Variants in CAPN15 observed in about 807,000 individuals in gnomAD.
CAPN15 encodes the protein calpain 15, also known as calpain-15.
Under a neutral mutation model 97.9 loss-of-function variants are expected in CAPN15, and 53 were observed. The ratio of observed to expected loss-of-function variants is 0.54; its 90% CI spans 0.43 to 0.68. The LOEUF is 0.68. CAPN15 is among the 30% of genes least tolerant of loss of function. The pLI is 0.00. For synonymous variants in CAPN15, 922 were observed against 722.5 expected (o/e 1.28, Z -4.43); for missense variants, 1,592 against 1,589.8 (o/e 1.00, Z -0.02).
intron 1 of CAPN15, among the ~76,000 whole-genome samples, chr16:532,293 C>T (rs1216099586): frequency 3.3e-5 from 5 of 150,326 alleles, no homozygotes; most frequent in African/African-American, 4.9e-5. Context: ...GTGGCTCATG[C>T]GTGTAATCCT....
rs1567162206 is a variant in CAPN15 at position 552,916 on chromosome 16, CGTG to C, written c.2966_2968del (p.Val989del). 6.2e-7 allele frequency: 1 copy of C among 1,611,562 alleles called. No homozygotes were observed. The highest frequency in any genetic ancestry group is 8.5e-7 in the Non-Finnish European group (1 of 1,179,248). The stretch of plus-strand genomic sequence containing the variant: ...TGACACACGGTTGGGCGGGGCTCAT[CGTG>C]GTGGTGGAGAACCGACACCCCAAGG... On this transcript the variant is annotated inframe_deletion, in exon 13 of 14. Transcript: ENST00000219611. The surrounding 1 kb of genome is among the most constrained non-coding windows in gnomAD (Gnocchi z 6.4).
At chr16:541,423 T>C (rs889477468) in intron 3 of CAPN15, among the ~76,000 whole-genome samples, 4 of 152,110 alleles carry the variant, frequency 2.6e-5, no homozygotes, top group Non-Finnish European at 4.4e-5. Context: ...GTTACCCTGA[T>C]GGACAGAGAG....
intron 4 of CAPN15, 123 bp from the exon 5 acceptor site, chr16:548,870 C>A: frequency 1.1e-6 from 1 of 910,868 alleles, no homozygotes; most frequent in Non-Finnish European, 1.7e-6. Flanking sequence ...GCTGTCCACG[C>A]TCCACCCGTC....
At chr16:540,779 C>G (rs764295097) in intron 3 of CAPN15, among the ~76,000 whole-genome samples, 7 of 152,214 alleles carry the variant, frequency 4.6e-5, no homozygotes, top group Non-Finnish European at 7.3e-5. Flanking sequence ...GGCCACATGG[C>G]TTGGTGGCCG....
chr16:537,965 C>T (rs2033845168), intron 3 of CAPN15: 2 of 152,262 alleles, frequency 1.3e-5, no homozygotes, highest in South Asian at 4.1e-4. Flanking sequence ...AGAACGGGTC[C>T]TGGATGTCTC....
intron 1 of CAPN15, among the ~76,000 whole-genome samples, chr16:530,328 G>A (rs75248110): frequency 4.6e-5 from 7 of 152,332 alleles, no homozygotes; most frequent in South Asian, 4.1e-4. Flanking sequence ...GCAGCCGTGC[G>A]CAGAGCAGGC....
Position 536,111 on chromosome 16 carries a change from G to A in CAPN15, c.-54G>A. 2 of 981,046 alleles carry A rather than the reference G, an allele frequency of 2.0e-6. No individual in the cohort carries two copies. The highest frequency in any genetic ancestry group is 4.7e-5 in the South Asian group (1 of 21,074). 60.8% of individuals were successfully genotyped at this position (981,046 alleles called of 1,614,324 possible). ...CACTGGGTGATTCACGTGTGCCCAG[G>A]CCCTGAGGTGGGCCGGACCTGGGAG... On this transcript the variant is annotated 5_prime_UTR_variant, in exon 3 of 14. Coordinates refer to ENST00000219611, the MANE Select transcript of CAPN15 (RefSeq NM_005632.3).
At position 535,758 on chromosome 16, in the gene CAPN15, G is replaced by A. The variant is rs983074472; in HGVS notation, c.-136-271G>A. 4.6e-5 allele frequency among the ~76,000 whole-genome samples: 7 copies of A among 152,138 alleles called. No homozygotes were observed. Among genetic ancestry groups the A allele is most frequent in the Admixed American group, 1.3e-4 (2 of 15,280 alleles). ...CCCTGAGAGTCAGCCCTGTGGTCAC[G>A]GCTCCTGCTGGTTCCCATTCGCGAG... On this transcript the variant is annotated intron_variant, in intron 2 of 13. Coordinates refer to ENST00000219611, the MANE Select transcript of CAPN15 (RefSeq NM_005632.3). This position sits in a 1 kb window ranked among gnomAD's most constrained non-coding sequence, Gnocchi z 6.2.
chr16:529,148 C>T (rs1388432069), intron 1 of CAPN15, among the ~76,000 whole-genome samples: 2 of 151,944 alleles, frequency 1.3e-5, no homozygotes, highest in African/African-American at 4.8e-5. Context: ...CCCTCTTTTT[C>T]CTGCTTCTGT....
intron 1 of CAPN15, among the ~76,000 whole-genome samples, chr16:530,021 A>G (rs1447210815): frequency 6.6e-6 from 1 of 152,106 alleles, no homozygotes; most frequent in Non-Finnish European, 1.5e-5. Context: ...GCCCAGTGGG[A>G]CTTGTTCTCT....
chr16:551,656 C>T lies in CAPN15; in HGVS notation c.2337C>T (p.Asp779=). ...SEGVFWMEYG[D]FVRYFDSVDI... is the part of the protein sequence containing the mutation. Reference sequence around the variant, plus strand: ...GTGTCTTCTGGATGGAGTACGGCGACTTTGTCAGGTATCGGCACCGTGGGG... The same window carrying T: ...GTGTCTTCTGGATGGAGTACGGCGATTTTGTCAGGTATCGGCACCGTGGGG... Residue 779 remains aspartate (D), a synonymous_variant, in exon 9 of 14, where the codon GAC becomes GAT. Coordinates refer to ENST00000219611, the MANE Select transcript of CAPN15 (RefSeq NM_005632.3). The T allele has an allele frequency of 6.3e-7, 1 of 1,591,840 alleles. No individual in the cohort carries two copies. The highest frequency in any genetic ancestry group is 1.1e-5 in the South Asian group (1 of 90,894).
chr16:548,964 G>A, intron 4 of CAPN15, 29 bp from the exon 5 acceptor site: 1 of 1,609,286 alleles, frequency 6.2e-7, no homozygotes, highest in Non-Finnish European at 8.5e-7. Flanking sequence ...ACCCTGCCCA[G>A]CCTGAGCACA....
intron 1 of CAPN15, among the ~76,000 whole-genome samples, chr16:531,261 C>A (rs568337908): frequency 6.6e-6 from 1 of 152,180 alleles, no homozygotes; most frequent in East Asian, 1.9e-4. Context: ...AGTGCAGTTG[C>A]AATCATAGCT....
In CAPN15 at chr16:553,711, G is replaced by A; in HGVS notation, c.*195G>A. 2.1e-6 allele frequency: 1 copy of A among 483,206 alleles called. No individual in the cohort carries two copies. The highest frequency in any genetic ancestry group is 3.6e-6 in the Non-Finnish European group (1 of 274,132). 29.9% of individuals were successfully genotyped at this position (483,206 alleles called of 1,614,324 possible). A position where few individuals can be genotyped will look rare whatever the true frequency, so the allele number is the denominator to read the frequency against. On this transcript the variant is annotated 3_prime_UTR_variant, in exon 14 of 14. Transcript: ENST00000219611. ...CTCCCTGAACCCCACAGTCCGCCTG[G>A]CCAGGCCTCCTGGCCGCCACGCAGA...
chr16:544,797 TCTCCCCCACGTCGC>T (rs1248247267), intron 3 of CAPN15, among the ~76,000 whole-genome samples: 14 of 14,058 alleles, frequency 1.0e-3, no homozygotes, highest in Admixed American at 2.0e-3. Context: ...CACGTCGTCG[TCTCCCCCACGTCGC>T]CTCCCCCACG....
chr16:550,814 G>T (rs1264689504), intron 7 of CAPN15, among the ~76,000 whole-genome samples: 2 of 36,666 alleles, frequency 5.5e-5, no homozygotes, highest in Non-Finnish European at 1.0e-4. Context: ...TGAGGGCCCC[G>T]GTCGGTGAGG....
chr16:551,117 G>A (rs1474081282), intron 7 of CAPN15, among the ~76,000 whole-genome samples, 185 bp from the exon 8 acceptor site: 2 of 136,124 alleles, frequency 1.5e-5, no homozygotes, highest in Non-Finnish European at 3.1e-5. Flanking sequence ...CCCGGTCGGT[G>A]AGGGCCCCTG....
rs2034693161 is a variant in CAPN15, at chr16:547,703, T to C, written c.865T>C (p.Leu289=). 3 of 1,597,510 alleles carry C rather than the reference T, an allele frequency of 1.9e-6. No individual in the cohort carries two copies. The highest frequency in any genetic ancestry group is 2.7e-5 in the African/African-American group (2 of 74,584). ...GGCTGGGGCCTCCCGCCTAGCAGAG[T>C]TGCTGTCTGGCAAGCGGCTGAGTGT... ...GWAGASRLAE[L]LSGKRLSVLE... is the part of the protein sequence containing the mutation. Residue 289 remains leucine (L), a synonymous_variant, in exon 4 of 14, where the codon TTG becomes CTG. Coordinates refer to ENST00000219611, the MANE Select transcript of CAPN15 (RefSeq NM_005632.3).
intron 1 of CAPN15, among the ~76,000 whole-genome samples, chr16:533,495 C>T (rs920583616): frequency 1.3e-5 from 2 of 152,180 alleles, no homozygotes; most frequent in Non-Finnish European, 2.9e-5. Flanking sequence ...TGTGCCTGTG[C>T]CTGCCCAAGC....
Sources: gnomAD v4.1 joint callset for allele counts (sites outside exome capture counted in the v4.1 genomes callset) on GRCh38, gnomAD v4.1.1 for gene constraint, Gnocchi (gnomAD v3.1) non-coding constraint, MANE v1.5 for transcripts, NCBI Gene and HGNC (gene_info 2026-07-23, HGNC 2026-07-21) for gene names.